TIAM1: variants seen among roughly 807,000 people sequenced by gnomAD.
The protein encoded by TIAM1 is TIAM Rac1 associated GEF 1, also known as rho guanine nucleotide exchange factor TIAM1.
Under a neutral mutation model 163.5 loss-of-function variants are expected in TIAM1, and 65 were observed. The observed-to-expected ratio is 0.40, with a 90% CI of 0.33 to 0.49. The LOEUF is 0.49. TIAM1 is among the 20% of genes least tolerant of loss of function. The pLI is 0.77. For synonymous variants in TIAM1, 833 were observed against 810.1 expected, an observed-to-expected ratio of 1.03 and a Z score of -0.48; for missense variants, 1,789 against 2,044.7, an observed-to-expected ratio of 0.87 and a Z score of 2.41.
chr21:31,343,901 C>A (rs1327963199), intron 1 of TIAM1, among the ~76,000 whole-genome samples: 1 of 152,232 alleles, frequency 6.6e-6, no homozygotes, highest in African/African-American at 2.4e-5. Context: ...ACCAGCGTCG[C>A]CGCCGTCCCC....
intron 2 of TIAM1, among the ~76,000 whole-genome samples, chr21:31,446,962 T>C (rs1031483419): frequency 2.0e-5 from 3 of 152,172 alleles, no homozygotes; most frequent in Non-Finnish European, 4.4e-5. Flanking sequence ...TGCAAAACCA[T>C]TGGTTTTGTT....
chr21:31,305,422 TAA>T lies in TIAM1; in HGVS notation c.-188-28516_-188-28515del, dbSNP rs35619472. Among the ~76,000 whole-genome samples the T allele has an allele frequency of 1.0e-2, 1,323 of 132,830 alleles. 9 individuals carry two copies. The highest frequency in any genetic ancestry group is 0.018 in the Middle Eastern group (5 of 274). 87.1% of individuals were successfully genotyped at this position (132,830 alleles called of 152,430 possible). A position where few individuals can be genotyped will look rare whatever the true frequency, so the allele number is the denominator to read the frequency against. ...ATGGGCATTAACTCTGAAATAAAAA[TAA>T]AAAAAAAAAAAAAACAGTTCTTAGC... On this transcript the variant is annotated intron_variant, in intron 2 of 27. Transcript: ENST00000541036.
chr21:31,339,760 C>T (rs1264993538), intron 1 of TIAM1, among the ~76,000 whole-genome samples: 1 of 152,168 alleles, frequency 6.6e-6, no homozygotes, highest in Non-Finnish European at 1.5e-5. Context: ...GCTCACAAAT[C>T]AATCCACCCT....
chr21:31,210,594 G>GAAAGAAAGAAAGAAAGAAAGAAAGAA (rs745349921), intron 10 of TIAM1, among the ~76,000 whole-genome samples: 6 of 94,654 alleles, frequency 6.3e-5, no homozygotes, highest in African/African-American at 3.1e-4. Flanking sequence ...AAGAAAGAAA[G>GAAAGAAAGAAAGAAAGAAAGAAAGAA]AGAGAAAGAA....
intron 2 of TIAM1, among the ~76,000 whole-genome samples, chr21:31,287,213 AAG>A (rs1462479997): frequency 6.6e-6 from 1 of 152,172 alleles, no homozygotes; most frequent in Non-Finnish European, 1.5e-5. Flanking sequence ...TCTTATGAAA[AAG>A]AGTATATAAA....
intron 15 of TIAM1, among the ~76,000 whole-genome samples, chr21:31,167,088 CTT>C (rs72031739): frequency 5.8e-4 from 72 of 125,060 alleles, no homozygotes; most frequent in African/African-American, 1.6e-3. Flanking sequence ...AAAGGATTTC[CTT>C]TTTTTTTTTT....
At chr21:31,446,302 A>G (rs2044622644) in intron 2 of TIAM1, among the ~76,000 whole-genome samples, 1 of 152,190 alleles carries the variant, frequency 6.6e-6, no homozygotes, top group Non-Finnish European at 1.5e-5. Context: ...GAAAAATAGA[A>G]GCAAGCTCTA....
intron 3 of TIAM1, among the ~76,000 whole-genome samples, chr21:31,272,976 T>C (rs2073130083): frequency 6.6e-6 from 1 of 152,164 alleles, no homozygotes; most frequent in Non-Finnish European, 1.5e-5. Context: ...AATAAGTTGT[T>C]AATATCTGGT....
chr21:31,479,256 T>C (rs1174167857), intron 1 of TIAM1, among the ~76,000 whole-genome samples: 1 of 152,200 alleles, frequency 6.6e-6, no homozygotes, highest in African/African-American at 2.4e-5. Context: ...TCTCTAGACA[T>C]TAGTTTTCTT....
chr21:31,129,506 C>T (rs115442652), intron 25 of TIAM1, among the ~76,000 whole-genome samples: 1,862 of 152,272 alleles, frequency 0.012, 44 homozygotes, highest in African/African-American at 0.042. Flanking sequence ...TAGCAAAACC[C>T]TATTTCTACA....
At chr21:31,533,860 T>G (rs1263734405) in intron 1 of TIAM1, among the ~76,000 whole-genome samples, 2 of 152,216 alleles carry the variant, frequency 1.3e-5, no homozygotes, top group African/African-American at 2.4e-5. Context: ...CATGTCAACA[T>G]AGTGGGCAGT....
chr21:31,208,245 G>C (rs2086554864), intron 11 of TIAM1, among the ~76,000 whole-genome samples: 1 of 152,154 alleles, frequency 6.6e-6, no homozygotes, highest in Non-Finnish European at 1.5e-5. Context: ...ATGGTAATCG[G>C]AAAACTTTGG....
At chr21:31,247,057 T>C (rs937463955) in intron 5 of TIAM1, among the ~76,000 whole-genome samples, 14 of 152,190 alleles carry the variant, frequency 9.2e-5, no homozygotes, top group Non-Finnish European at 1.9e-4. Flanking sequence ...CAGTGGCTTA[T>C]GCCTGTAATC....
chr21:31,185,403 T>C (rs956965565), intron 14 of TIAM1, among the ~76,000 whole-genome samples: 1 of 138,324 alleles, frequency 7.2e-6, no homozygotes, highest in African/African-American at 2.9e-5. Flanking sequence ...AATTATGCTA[T>C]ATAATTATAT....
At chr21:31,533,351 G>A (rs2048029130) in intron 1 of TIAM1, among the ~76,000 whole-genome samples, 1 of 152,170 alleles carries the variant, frequency 6.6e-6, no homozygotes, top group African/African-American at 2.4e-5. Context: ...AAATTTTCTA[G>A]TAGCCACATG....
At chr21:31,524,052 G>T (rs918500857) in intron 1 of TIAM1, among the ~76,000 whole-genome samples, 5 of 151,802 alleles carry the variant, frequency 3.3e-5, no homozygotes, top group African/African-American at 7.3e-5. Flanking sequence ...CTGCTCTGCA[G>T]GGGTGATAAT....
intron 10 of TIAM1, 39 bp from the exon 11 acceptor site, chr21:31,210,254 G>A: frequency 6.2e-7 from 1 of 1,601,486 alleles, no homozygotes; most frequent in Non-Finnish European, 8.5e-7. Flanking sequence ...AGCAGCAGTG[G>A]AGCTCTGACA....
At chr21:31,181,871 A>C (rs2085047059) in intron 15 of TIAM1, among the ~76,000 whole-genome samples, 1 of 135,322 alleles carries the variant, frequency 7.4e-6, no homozygotes, top group African/African-American at 2.7e-5. Flanking sequence ...TGCAGCCTCA[A>C]ACTCCTGGGC....
chr21:31,188,065 A>C (rs1335304120), intron 13 of TIAM1, among the ~76,000 whole-genome samples: 1 of 152,156 alleles, frequency 6.6e-6, no homozygotes, highest in Non-Finnish European at 1.5e-5. Flanking sequence ...CAAGCAGGCA[A>C]ATAGCAAAAC....
Sources: gnomAD v4.1 joint callset for allele counts (sites outside exome capture counted in the v4.1 genomes callset) on GRCh38, gnomAD v4.1.1 for gene constraint, MANE v1.5 for transcripts, NCBI Gene and HGNC (gene_info 2026-07-23, HGNC 2026-07-21) for gene names.